Variants in GRID1 observed in about 807,000 individuals in gnomAD.
GRID1 encodes glutamate ionotropic receptor delta type subunit 1.
In GRID1, 28 loss-of-function variants were observed where a neutral mutation model predicts 98.0. The observed-to-expected ratio is 0.29, with a 90% CI of 0.21 to 0.39. The LOEUF (loss-of-function observed/expected upper bound fraction) is 0.39, where lower values mean the gene tolerates loss of function less well. Among genes scored for constraint, GRID1 ranks in the 10% least tolerant of loss-of-function variants. The probability of loss-of-function intolerance (pLI) is 1.00; values close to 1 mark genes in which losing one functional copy is unlikely to be tolerated. For synonymous variants in GRID1, 553 were observed against 538.5 expected, an observed-to-expected ratio of 1.03 and a Z score of -0.37; for missense variants, 1,111 against 1,340.5, an observed-to-expected ratio of 0.83 and a Z score of 2.67.
At chr10:85,914,861 C>T (rs1390741846) in intron 5 of GRID1, among the ~76,000 whole-genome samples, 1 of 152,114 alleles carries the variant, frequency 6.6e-6, no homozygotes, top group African/African-American at 2.4e-5. Flanking sequence ...AAGCTTGCAC[C>T]AGGAACACAT....
intron 4 of GRID1, among the ~76,000 whole-genome samples, chr10:86,097,845 A>G (rs1022184622): frequency 6.6e-6 from 1 of 152,242 alleles, no homozygotes; most frequent in East Asian, 1.9e-4. Flanking sequence ...TGAAGTTAAT[A>G]TAACTTTCTC....
chr10:85,922,401 T>C (rs1013386791), intron 4 of GRID1, among the ~76,000 whole-genome samples: 2 of 152,360 alleles, frequency 1.3e-5, no homozygotes, highest in African/African-American at 4.8e-5. Flanking sequence ...TGAGGATTTA[T>C]TTTACAAAGT....
intron 4 of GRID1, among the ~76,000 whole-genome samples, chr10:85,997,382 G>A (rs10458770): frequency 0.34 from 50,697 of 150,178 alleles, 9,247 homozygotes; most frequent in South Asian, 0.5. Context: ...CTGGGCAACA[G>A]AGCGAGACTC....
chr10:86,232,755 A>G (rs574019812), intron 2 of GRID1, among the ~76,000 whole-genome samples: 65 of 151,836 alleles, frequency 4.3e-4, no homozygotes, highest in Non-Finnish European at 8.1e-4. Context: ...AGTCTTTTGC[A>G]GGGAGGGAAA....
chr10:86,056,770 A>G (rs1368056412), intron 4 of GRID1, among the ~76,000 whole-genome samples: 2 of 152,248 alleles, frequency 1.3e-5, no homozygotes, highest in East Asian at 3.8e-4. Flanking sequence ...ACTGTAGCTT[A>G]AGGAGGCTAT....
At chr10:86,309,699 T>C (rs767739291) in intron 2 of GRID1, among the ~76,000 whole-genome samples, 6 of 152,192 alleles carry the variant, frequency 3.9e-5, no homozygotes, top group Admixed American at 6.5e-5. Context: ...CTGACCTCCA[T>C]GGTCACTGCC....
intron 5 of GRID1, among the ~76,000 whole-genome samples, chr10:85,894,653 A>G (rs983463119): frequency 2.6e-5 from 4 of 152,162 alleles, no homozygotes; most frequent in Non-Finnish European, 5.9e-5. Context: ...AGTTTATAAA[A>G]TAACAGCAGT....
chr10:85,900,634 G>A (rs997563292), intron 5 of GRID1, among the ~76,000 whole-genome samples: 3 of 152,210 alleles, frequency 2.0e-5, no homozygotes, highest in Non-Finnish European at 4.4e-5. Context: ...TCTGTCTACA[G>A]GGAGTTGGAA....
chr10:85,785,131 C>T (rs978707396), intron 8 of GRID1, among the ~76,000 whole-genome samples: 1 of 152,136 alleles, frequency 6.6e-6, no homozygotes, highest in Admixed American at 6.5e-5. Context: ...CACTTGTGCA[C>T]CCTAGCAATC....
intron 4 of GRID1, among the ~76,000 whole-genome samples, chr10:85,986,422 G>T (rs922367601): frequency 3.9e-5 from 6 of 152,228 alleles, no homozygotes; most frequent in Non-Finnish European, 7.3e-5. Context: ...TGAGACATTT[G>T]TCTGTGCATT....
chr10:85,892,563 C>T (rs985191969), intron 5 of GRID1, among the ~76,000 whole-genome samples: 2 of 151,256 alleles, frequency 1.3e-5, no homozygotes, highest in Non-Finnish European at 3.0e-5. Flanking sequence ...AAAAAGAAAA[C>T]TATGTTTTTC....
At chr10:85,695,732 C>T (rs1841385674) in intron 12 of GRID1, among the ~76,000 whole-genome samples, 1 of 152,034 alleles carries the variant, frequency 6.6e-6, no homozygotes, top group South Asian at 2.1e-4. Flanking sequence ...CAATTGTCCT[C>T]AATCTAAAAA....
rs72842939 is a variant in GRID1, at chr10:85,887,751, T to C, written c.781-18571A>G. Among the ~76,000 whole-genome samples, 588 of 152,304 alleles carry C rather than the reference T, an allele frequency of 3.9e-3. 10 individuals are homozygous for C. Among genetic ancestry groups the C allele is most frequent in the South Asian group, 0.022 (107 of 4,822 alleles). ...TGAGCATCATTTATAAATGGAATAA[T>C]AGTACTTCCTAGGGTTTTGACAAAG... is the stretch of plus-strand genomic sequence containing the variant. On this transcript the variant is annotated intron_variant, in intron 5 of 15. Coordinates refer to ENST00000327946, the MANE Select transcript of GRID1 (RefSeq NM_017551.3).
intron 2 of GRID1, among the ~76,000 whole-genome samples, chr10:86,212,654 AC>A: frequency 6.6e-6 from 1 of 152,186 alleles, no homozygotes; most frequent in East Asian, 1.9e-4. Flanking sequence ...ACGAGCACCC[AC>A]CTGCCCCCAG....
At chr10:86,336,943 C>A (rs1848230433) in intron 2 of GRID1, among the ~76,000 whole-genome samples, 1 of 150,862 alleles carries the variant, frequency 6.6e-6, no homozygotes, top group African/African-American at 2.4e-5. Flanking sequence ...CTCCTGGGTT[C>A]ACGCCATTCT....
chr10:85,908,077 T>C (rs1224005333), intron 5 of GRID1, among the ~76,000 whole-genome samples: 1 of 152,164 alleles, frequency 6.6e-6, no homozygotes, highest in African/African-American at 2.4e-5. Context: ...ACCTGATACT[T>C]AATGATGAAA....
At chr10:86,030,969 G>A (rs1048499466) in intron 4 of GRID1, among the ~76,000 whole-genome samples, 4 of 152,068 alleles carry the variant, frequency 2.6e-5, no homozygotes, top group Non-Finnish European at 5.9e-5. Context: ...CCTTCTGCGT[G>A]CACTATGTAA....
chr10:86,030,264 A>G (rs1843168789), intron 4 of GRID1, among the ~76,000 whole-genome samples: 1 of 152,236 alleles, frequency 6.6e-6, no homozygotes, highest in African/African-American at 2.4e-5. Flanking sequence ...GGTTTAAAAC[A>G]AGGATATTTA....
intron 3 of GRID1, 59 bp from the exon 4 acceptor site, chr10:86,139,083 G>A: frequency 1.7e-6 from 2 of 1,201,432 alleles, no homozygotes; most frequent in South Asian, 2.5e-5. Flanking sequence ...AATGCACCCG[G>A]GAGGGTGTCT....
Sources: allele counts gnomAD v4.1 joint callset (sites outside exome capture counted in the v4.1 genomes callset), GRCh38; gene constraint gnomAD v4.1.1; transcripts MANE v1.5; gene names NCBI Gene and HGNC (gene_info 2026-07-23, HGNC 2026-07-21).